Variants in MAGI1 observed in about 807,000 individuals in gnomAD.
MAGI1 encodes the protein membrane associated guanylate kinase, WW and PDZ domain containing 1.
MAGI1 carries 58 observed loss-of-function variants against 139.9 expected under a neutral mutation model. The observed-to-expected ratio is 0.41, with a 90% CI of 0.34 to 0.52. The LOEUF is 0.52. Ranked by LOEUF, MAGI1 falls within the 20% of genes least tolerant of loss-of-function variation. The pLI, the probability that MAGI1 is intolerant of heterozygous loss-of-function variation, is 0.12. For synonymous variants in MAGI1, 812 were observed against 737.9 expected, an observed-to-expected ratio of 1.10 and a Z score of -1.63; for missense variants, 1,874 against 1,901.6, an observed-to-expected ratio of 0.99 and a Z score of 0.27.
intron 2 of MAGI1, among the ~76,000 whole-genome samples, chr3:65,537,617 T>C (rs1009145046): frequency 1.3e-5 from 2 of 152,154 alleles, no homozygotes; most frequent in African/African-American, 4.8e-5. Flanking sequence ...AACTTGGGTA[T>C]ACCTTGCAAT....
chr3:65,662,399 T>C (rs1395747358), intron 1 of MAGI1, among the ~76,000 whole-genome samples: 8 of 152,234 alleles, frequency 5.3e-5, no homozygotes, highest in African/African-American at 1.9e-4. Context: ...ACGGTCTCTG[T>C]AGCAACTACT....
intron 2 of MAGI1, among the ~76,000 whole-genome samples, chr3:65,531,172 G>GAA (rs1322703370): frequency 6.6e-6 from 1 of 151,510 alleles, no homozygotes; most frequent in African/African-American, 2.4e-5. Flanking sequence ...AAAAAAATCT[G>GAA]AAAAAAATCA....
In MAGI1 at chr3:66,014,894, C is replaced by T. The variant is rs529533730; in HGVS notation, c.313+23102G>A. Among the ~76,000 whole-genome samples the T allele has an allele frequency of 2.6e-5, 4 of 152,308 alleles. No individual in the cohort carries two copies. The South Asian group carries it at 6.2e-4, about 24-fold the overall frequency. On this transcript the variant is annotated intron_variant, in intron 1 of 22. Coordinates refer to ENST00000402939, the MANE Select transcript of MAGI1 (RefSeq NM_001033057.2). ...TGCCTCCACTTAGAATAACATTCCA[C>T]CCCATCTCTATAAATATCCTACAGA... is the stretch of plus-strand genomic sequence containing the variant.
chr3:65,715,881 G>C (rs1028677065), intron 1 of MAGI1, among the ~76,000 whole-genome samples: 1 of 152,172 alleles, frequency 6.6e-6, no homozygotes, highest in African/African-American at 2.4e-5. Context: ...TTGTAAATTT[G>C]TAAATTTAGT....
At chr3:65,413,766 CACCCACATACACCCCA>C (rs1432015465) in intron 12 of MAGI1, among the ~76,000 whole-genome samples, 14 of 152,160 alleles carry the variant, frequency 9.2e-5, no homozygotes, top group Non-Finnish European at 1.6e-4. Flanking sequence ...GAATCAGTTT[CACCCACATACACCCCA>C]ACCCACACAC....
At chr3:65,916,179 G>C (rs1485846559) in intron 1 of MAGI1, among the ~76,000 whole-genome samples, 1 of 151,892 alleles carries the variant, frequency 6.6e-6, no homozygotes, top group Non-Finnish European at 1.5e-5. Flanking sequence ...CGATTCTCAT[G>C]CCTAAACCTC....
intron 2 of MAGI1, among the ~76,000 whole-genome samples, chr3:65,533,515 A>G (rs73128982): frequency 0.033 from 5,021 of 152,316 alleles, 125 homozygotes; most frequent in Admixed American, 0.069. Flanking sequence ...CAAAATATTG[A>G]CAACTTCCAA....
intron 1 of MAGI1, among the ~76,000 whole-genome samples, chr3:65,635,570 TA>T (rs1310481581): frequency 6.6e-6 from 1 of 152,168 alleles, no homozygotes; most frequent in Non-Finnish European, 1.5e-5. Context: ...AGCCAAGGCA[TA>T]AGAGCAAGGT....
chr3:65,516,842 C>T (rs2077916251), intron 2 of MAGI1, among the ~76,000 whole-genome samples: 1 of 148,446 alleles, frequency 6.7e-6, no homozygotes, highest in Non-Finnish European at 1.5e-5. Flanking sequence ...ATTCTCCTGC[C>T]TCAGCCTCCC....
intron 2 of MAGI1, among the ~76,000 whole-genome samples, chr3:65,567,553 A>C (rs746975620): frequency 8.5e-5 from 13 of 152,192 alleles, no homozygotes; most frequent in Non-Finnish European, 1.8e-4. Flanking sequence ...GAGGAAAAGG[A>C]TGGCTGGGCA....
At chr3:65,376,989 T>C (rs553456048) in intron 17 of MAGI1, among the ~76,000 whole-genome samples, 2 of 152,348 alleles carry the variant, frequency 1.3e-5, no homozygotes, top group Non-Finnish European at 2.9e-5. Flanking sequence ...AAAGTTCTTA[T>C]GCATATTCAC....
In MAGI1 at chr3:65,470,901, G is replaced by C. The variant is rs148725910; in HGVS notation, c.758-417C>G. On this transcript the variant is annotated intron_variant, in intron 4 of 22. Transcript: ENST00000402939. ...ATGTTTGGGCACAAAAAAGTATCCAGGGTGAAAACACAGACACAGTGGCAT... is the reference window on the plus strand; with the variant it reads ...ATGTTTGGGCACAAAAAAGTATCCACGGTGAAAACACAGACACAGTGGCAT... 4.7e-3 allele frequency among the ~76,000 whole-genome samples: 715 copies of C among 152,206 alleles called. 5 individuals carry two copies. The highest frequency in any genetic ancestry group is 0.016 in the African/African-American group (664 of 41,538).
At chr3:65,862,040 T>C (rs1010275619) in intron 1 of MAGI1, among the ~76,000 whole-genome samples, 2 of 146,416 alleles carry the variant, frequency 1.4e-5, no homozygotes, top group African/African-American at 4.9e-5. Flanking sequence ...CTTATTTATC[T>C]TCAATTCTTC....
At chr3:65,922,910 T>A (rs1363478193) in intron 1 of MAGI1, among the ~76,000 whole-genome samples, 1 of 150,022 alleles carries the variant, frequency 6.7e-6, no homozygotes, top group Non-Finnish European at 1.5e-5. Flanking sequence ...TATGAGGAAC[T>A]CTGGTAGGAC....
At chr3:65,576,062 T>C (rs1347085159) in intron 2 of MAGI1, among the ~76,000 whole-genome samples, 2 of 152,222 alleles carry the variant, frequency 1.3e-5, no homozygotes, top group Non-Finnish European at 2.9e-5. Context: ...ATATTGTATA[T>C]TAATTCTACC....
intron 1 of MAGI1, among the ~76,000 whole-genome samples, chr3:65,929,535 A>G (rs932861285): frequency 6.6e-5 from 10 of 151,988 alleles, no homozygotes; most frequent in African/African-American, 2.2e-4. Context: ...GGGTTTCACC[A>G]TATTGGCCAG....
At chr3:65,484,937 C>A (rs780119049) in intron 3 of MAGI1, among the ~76,000 whole-genome samples, 5 of 152,156 alleles carry the variant, frequency 3.3e-5, no homozygotes, top group African/African-American at 4.8e-5. Flanking sequence ...ACTATAAACT[C>A]AAAGAGGCCA....
chr3:65,441,915 G>A (rs1291705582), intron 8 of MAGI1, among the ~76,000 whole-genome samples: 1 of 152,100 alleles, frequency 6.6e-6, no homozygotes, highest in Non-Finnish European at 1.5e-5. Flanking sequence ...TTATACAAAT[G>A]ACTTTTCATC....
At chr3:65,373,969 C>A (rs4016248) in intron 18 of MAGI1, among the ~76,000 whole-genome samples, 6,893 of 152,206 alleles carry the variant, frequency 0.045, 584 homozygotes, top group East Asian at 0.31. Flanking sequence ...CCGGCTATAC[C>A]TTTCAAATCT....
Sources: gnomAD v4.1 joint callset for allele counts (sites outside exome capture counted in the v4.1 genomes callset) on GRCh38, gnomAD v4.1.1 for gene constraint, MANE v1.5 for transcripts, NCBI Gene and HGNC (gene_info 2026-07-23, HGNC 2026-07-21) for gene names.